Variants in GNA14 observed in about 807,000 individuals in gnomAD.
GNA14 encodes the protein G protein subunit alpha 14, also known as guanine nucleotide-binding protein subunit alpha-14.
Under a neutral mutation model 42.0 loss-of-function variants are expected in GNA14, and 50 were observed. The observed-to-expected ratio is 1.19, with a 90% confidence interval of 0.95 to 1.51. The LOEUF is 1.51. GNA14 is among the 40% of genes most tolerant of loss of function. The pLI, the probability that GNA14 is intolerant of heterozygous loss-of-function variation, is 0.00. For synonymous variants in GNA14, 173 were observed against 163.1 expected, an observed-to-expected ratio of 1.06 and a Z score of -0.46; for missense variants, 473 against 446.2, an observed-to-expected ratio of 1.06 and a Z score of -0.54.
chr9:77,605,197 C>G (rs1158511684), intron 1 of GNA14, among the ~76,000 whole-genome samples: 1 of 152,210 alleles, frequency 6.6e-6, no homozygotes, highest in Admixed American at 6.5e-5. Flanking sequence ...TCTTTATTGT[C>G]CACACATTTG....
chr9:77,644,999 A>G (rs535652332), intron 1 of GNA14, among the ~76,000 whole-genome samples: 1 of 152,236 alleles, frequency 6.6e-6, no homozygotes, highest in Non-Finnish European at 1.5e-5. Context: ...TTCTGATGAG[A>G]AAGTGTCACA....
At chr9:77,589,548 G>C (rs950247746) in intron 1 of GNA14, among the ~76,000 whole-genome samples, 2 of 152,106 alleles carry the variant, frequency 1.3e-5, no homozygotes, top group African/African-American at 4.8e-5. Flanking sequence ...GTCTTTACAG[G>C]TACTGTGTTT....
At chr9:77,615,747 ACACAC>A (rs1823802676) in intron 1 of GNA14, among the ~76,000 whole-genome samples, 1 of 147,106 alleles carries the variant, frequency 6.8e-6, no homozygotes, top group Non-Finnish European at 1.5e-5. Flanking sequence ...ACACACACAC[ACACAC>A]GTTTAAATAA....
At chr9:77,559,161 T>C (rs958234162) in intron 1 of GNA14, among the ~76,000 whole-genome samples, 19 of 152,156 alleles carry the variant, frequency 1.2e-4, no homozygotes, top group African/African-American at 4.3e-4. Flanking sequence ...AATTTCTTAT[T>C]ACTATTAAGA....
intron 2 of GNA14, among the ~76,000 whole-genome samples, chr9:77,466,523 C>T (rs1196971425): frequency 1.3e-5 from 2 of 152,102 alleles, no homozygotes; most frequent in Admixed American, 1.3e-4. Flanking sequence ...ATTCTTTAAA[C>T]ATGGTTTTCT....
Position 77,608,631 on chromosome 9 carries a change from T to C in GNA14, c.124+39039A>G, listed in dbSNP as rs555033185. On this transcript the variant is annotated intron_variant, in intron 1 of 6. Transcript: ENST00000341700. ...GTGGCAGCTCTGATGCTCTCCAAAT[T>C]GCCTTTGGGATTATTCTTCCCTTTT... 9.2e-5 allele frequency among the ~76,000 whole-genome samples: 14 copies of C among 152,200 alleles called. 2 individuals are homozygous for C. The South Asian group carries it at 2.3e-3, about 25-fold the overall frequency.
intron 2 of GNA14, among the ~76,000 whole-genome samples, chr9:77,467,226 T>C (rs1039322863): frequency 2.6e-4 from 40 of 152,014 alleles, no homozygotes; most frequent in African/African-American, 8.9e-4. Context: ...TCCGGATTCC[T>C]AGGAGTCACC....
intron 2 of GNA14, among the ~76,000 whole-genome samples, chr9:77,478,772 T>C (rs1399324368): frequency 2.0e-5 from 3 of 152,250 alleles, no homozygotes; most frequent in Non-Finnish European, 2.9e-5. Flanking sequence ...ATTTCTCTGA[T>C]GGCCAGTGAT....
intron 2 of GNA14, among the ~76,000 whole-genome samples, chr9:77,510,791 AG>A (rs1837152776): frequency 6.6e-6 from 1 of 152,242 alleles, no homozygotes; most frequent in African/African-American, 2.4e-5. Context: ...GGCAGCTCCC[AG>A]AACAGATGTG....
chr9:77,631,868 G>A (rs1824104555), intron 1 of GNA14, among the ~76,000 whole-genome samples: 2 of 152,188 alleles, frequency 1.3e-5, no homozygotes, highest in Admixed American at 1.3e-4. Context: ...GGGGCTGCAT[G>A]TTCCATGGAG....
At chr9:77,555,595 A>G (rs1446827691) in intron 1 of GNA14, among the ~76,000 whole-genome samples, 2 of 152,224 alleles carry the variant, frequency 1.3e-5, no homozygotes, top group African/African-American at 2.4e-5. Context: ...TGGATAATTT[A>G]GGTAAAAGGC....
chr9:77,516,481 C>T (rs1837259518), intron 2 of GNA14, among the ~76,000 whole-genome samples: 2 of 152,146 alleles, frequency 1.3e-5, no homozygotes, highest in Non-Finnish European at 2.9e-5. Context: ...AATCCCAGCA[C>T]TTTGGGAGGC....
At chr9:77,485,496 C>T (rs752240505) in intron 2 of GNA14, among the ~76,000 whole-genome samples, 1 of 152,160 alleles carries the variant, frequency 6.6e-6, no homozygotes, top group East Asian at 1.9e-4. Context: ...GACTTCCTCT[C>T]AGGAATTACA....
intron 2 of GNA14, among the ~76,000 whole-genome samples, chr9:77,527,244 A>C (rs997426140): frequency 6.6e-6 from 1 of 152,246 alleles, no homozygotes; most frequent in Non-Finnish European, 1.5e-5. Flanking sequence ...AGAGTACATT[A>C]GAAAGGGTAA....
chr9:77,634,665 C>T (rs1824153484), intron 1 of GNA14, among the ~76,000 whole-genome samples: 1 of 152,140 alleles, frequency 6.6e-6, no homozygotes, highest in Non-Finnish European at 1.5e-5. Context: ...TCCAATTTTC[C>T]TTTCTTCAAG....
intron 2 of GNA14, among the ~76,000 whole-genome samples, chr9:77,493,026 A>AAAATATATATAT (rs1554691641): frequency 3.9e-5 from 2 of 51,718 alleles, no homozygotes; most frequent in African/African-American, 2.3e-4. Flanking sequence ...AAAAAAAAAA[A>AAAATATATATAT]ATATATATAT....
rs75705447 is a variant in GNA14, at chr9:77,596,583, C to G, written c.124+51087G>C. On this transcript the variant is annotated intron_variant, in intron 1 of 6. Transcript: ENST00000341700. ...CTTGTTGGGGGCATATGTCAGGTGG[C>G]GACATGCGGGGAAAGGAATAGGAAG... Among the ~76,000 whole-genome samples the G allele has an allele frequency of 9.4e-4, 143 of 151,932 alleles. 1 individual carries two copies. The East Asian group carries it at 0.026, about 28-fold the overall frequency.
At chr9:77,579,994 G>A (rs542661243) in intron 1 of GNA14, among the ~76,000 whole-genome samples, 1 of 152,224 alleles carries the variant, frequency 6.6e-6, no homozygotes, top group African/African-American at 2.4e-5. Flanking sequence ...GCCTTCTTCT[G>A]GCAATTTTTA....
chr9:77,614,927 TAA>T (rs1441284253), intron 1 of GNA14, among the ~76,000 whole-genome samples: 3 of 152,226 alleles, frequency 2.0e-5, no homozygotes, highest in Non-Finnish European at 4.4e-5. Context: ...TAATTTACTG[TAA>T]ATGCCAAACA....
Sources: allele counts gnomAD v4.1 joint callset (sites outside exome capture counted in the v4.1 genomes callset), GRCh38; gene constraint gnomAD v4.1.1; transcripts MANE v1.5; gene names NCBI Gene and HGNC (gene_info 2026-07-23, HGNC 2026-07-21).